UBE3D: variants seen among roughly 807,000 people sequenced by gnomAD.
UBE3D encodes E3 ubiquitin-protein ligase E3D.
In UBE3D, 48 loss-of-function variants were observed where a neutral mutation model predicts 49.6. That is an observed-to-expected ratio of 0.97 (90% CI 0.77 to 1.23). The LOEUF (loss-of-function observed/expected upper bound fraction) is 1.23. Among genes scored for constraint, UBE3D ranks in the 50% most tolerant of loss-of-function variants. The probability of loss-of-function intolerance (pLI) is 0.00; values close to 1 mark genes in which losing one functional copy is unlikely to be tolerated. For missense variants in UBE3D, 452 were observed against 468.4 expected (o/e 0.96, Z 0.32); for synonymous variants, 189 against 174.2 (o/e 1.08, Z -0.67).
the UBE3D span, among the ~76,000 whole-genome samples, chr6:82,881,112 CA>C: frequency 4.6e-5 from 7 of 152,100 alleles, no homozygotes; most frequent in African/African-American, 1.7e-4. Context: ...AACTTTCAGT[CA>C]GTTGCAGGAT....
intron 8 of UBE3D, among the ~76,000 whole-genome samples, chr6:82,991,626 A>G (rs1052489930): frequency 6.6e-6 from 1 of 152,122 alleles, no homozygotes; most frequent in Non-Finnish European, 1.5e-5. Context: ...TCCTCCTCCA[A>G]ATTCTGGCAG....
At chr6:82,925,944 G>A in intron 9 of UBE3D, among the ~76,000 whole-genome samples, 1 of 152,132 alleles carries the variant, frequency 6.6e-6, no homozygotes, top group Non-Finnish European at 1.5e-5. Context: ...AGGTGGTTAA[G>A]TACATGATAG....
intron 1 of UBE3D, among the ~76,000 whole-genome samples, chr6:83,064,628 G>A (rs1784384915): frequency 6.6e-6 from 1 of 151,978 alleles, no homozygotes; most frequent in Admixed American, 6.6e-5. Flanking sequence ...ATTTTGGTAG[G>A]GTTTGGGTTC....
chr6:82,891,042 T>C (rs1770969876), downstream of UBE3D, among the ~76,000 whole-genome samples: 1 of 152,080 alleles, frequency 6.6e-6, no homozygotes, highest in Non-Finnish European at 1.5e-5. Context: ...TCACCACTAA[T>C]GTATTCATTT....
intron 9 of UBE3D, among the ~76,000 whole-genome samples, chr6:82,904,725 G>C (rs1273455421): frequency 2.6e-5 from 4 of 152,168 alleles, no homozygotes. Flanking sequence ...TTTTAAAGGA[G>C]AAGCATAAAT....
intron 8 of UBE3D, among the ~76,000 whole-genome samples, chr6:82,958,117 T>C (rs952783730): frequency 1.3e-5 from 2 of 152,092 alleles, no homozygotes; most frequent in Non-Finnish European, 2.9e-5. Context: ...ATTTTAGAGA[T>C]CAGGAAACCA....
At chr6:83,005,743 C>CACTG (rs1380403968) in intron 8 of UBE3D, among the ~76,000 whole-genome samples, 1 of 151,894 alleles carries the variant, frequency 6.6e-6, no homozygotes, top group Non-Finnish European at 1.5e-5. Context: ...CCGAAATGTC[C>CACTG]ACTGACAGAC....
At chr6:83,065,263 C>G (rs1053691209) in intron 1 of UBE3D, among the ~76,000 whole-genome samples, 1 of 152,186 alleles carries the variant, frequency 6.6e-6, no homozygotes, top group Non-Finnish European at 1.5e-5. Context: ...CGAAGAGAGA[C>G]AGACAAATCA....
intron 9 of UBE3D, among the ~76,000 whole-genome samples, chr6:82,902,955 C>A (rs1482146204): frequency 3.9e-5 from 6 of 152,134 alleles, no homozygotes; most frequent in African/African-American, 7.2e-5. Flanking sequence ...AGCTAGGTAA[C>A]TTTTGATCAT....
chr6:82,913,495 T>C (rs1199114131), intron 9 of UBE3D, among the ~76,000 whole-genome samples: 1 of 152,212 alleles, frequency 6.6e-6, no homozygotes, highest in Non-Finnish European at 1.5e-5. Flanking sequence ...CATTTACCCA[T>C]GACCCACTTA....
At chr6:83,033,116 AG>A (rs950721459) in intron 5 of UBE3D, among the ~76,000 whole-genome samples, 1 of 152,112 alleles carries the variant, frequency 6.6e-6, no homozygotes, top group Non-Finnish European at 1.5e-5. Flanking sequence ...TCATGGTGGC[AG>A]GCAAAGAAGG....
intron 9 of UBE3D, among the ~76,000 whole-genome samples, chr6:82,898,289 A>G (rs1177983761): frequency 6.6e-6 from 1 of 152,226 alleles, no homozygotes; most frequent in Non-Finnish European, 1.5e-5. Flanking sequence ...AAGGATCTAG[A>G]ACTAGAAATA....
chr6:82,997,758 T>C (rs551705425), intron 8 of UBE3D, among the ~76,000 whole-genome samples: 32 of 152,064 alleles, frequency 2.1e-4, no homozygotes, highest in African/African-American at 7.2e-4. Flanking sequence ...ACAATAGTTT[T>C]TGTATATACT....
chr6:82,961,391 T>C (rs1776536834), intron 8 of UBE3D, among the ~76,000 whole-genome samples: 1 of 152,188 alleles, frequency 6.6e-6, no homozygotes, highest in Non-Finnish European at 1.5e-5. Context: ...TTAGTTATAT[T>C]TGTTGTCTCT....
chr6:83,037,756 A>G (rs1043844680), intron 5 of UBE3D: 1 of 152,244 alleles, frequency 6.6e-6, no homozygotes, highest in Admixed American at 6.5e-5. Flanking sequence ...TTAAACAGCA[A>G]TGCATTTTAA....
chr6:82,916,448 C>T (rs1001856721), intron 9 of UBE3D, among the ~76,000 whole-genome samples: 1 of 152,172 alleles, frequency 6.6e-6, no homozygotes, highest in Non-Finnish European at 1.5e-5. Flanking sequence ...ACATAGGTCA[C>T]ACATCTTATT....
At chr6:82,995,518 T>TCACACACA (rs1779184014) in intron 8 of UBE3D, among the ~76,000 whole-genome samples, 3 of 40,026 alleles carry the variant, frequency 7.5e-5, no homozygotes, top group South Asian at 8.7e-4. Context: ...ACACACACAG[T>TCACACACA]CACCAACTTA....
At chr6:82,985,008 C>CTT (rs70987727) in intron 8 of UBE3D, among the ~76,000 whole-genome samples, 28,852 of 54,152 alleles carry the variant, frequency 0.53, 7,079 homozygotes, top group South Asian at 0.62. Flanking sequence ...TCTTCTTCTT[C>CTT]TTTTTTTTTT....
chr6:82,923,427 G>A (rs1773504865), intron 9 of UBE3D, among the ~76,000 whole-genome samples: 1 of 152,196 alleles, frequency 6.6e-6, no homozygotes, highest in East Asian at 1.9e-4. Flanking sequence ...GATGAAGCTA[G>A]AAACCATCAT....
Sources: allele counts gnomAD v4.1 joint callset (sites outside exome capture counted in the v4.1 genomes callset), GRCh38; gene constraint gnomAD v4.1.1; transcripts MANE v1.5; gene names NCBI Gene and HGNC (gene_info 2026-07-23, HGNC 2026-07-21).